The following TSPEAR variants were observed in gnomAD, a reference collection of about 807,000 sequenced individuals.
TSPEAR encodes thrombospondin-type laminin G domain and EAR repeat-containing protein.
TSPEAR carries 69 observed loss-of-function variants against 71.6 expected under a neutral mutation model. The ratio of observed to expected loss-of-function variants is 0.96; its 90% CI spans 0.79 to 1.18. TSPEAR has a LOEUF of 1.18. TSPEAR is among the 50% of genes most tolerant of loss of function. TSPEAR has a pLI of 0.00. For missense variants in TSPEAR, 971 were observed against 894.9 expected (o/e 1.09, Z -1.09); for synonymous variants, 402 against 387.2 (o/e 1.04, Z -0.45).
chr21:44,568,113 A>T (rs2053727320), intron 1 of TSPEAR, 108 bp from the exon 2 acceptor site: 1 of 718,456 alleles, frequency 1.4e-6, no homozygotes, highest in Non-Finnish European at 2.1e-6. Flanking sequence ...TTTACATAGC[A>T]CTATAGCCCC....
At chr21:44,709,546 G>T (rs868930520) in intron 1 of TSPEAR, among the ~76,000 whole-genome samples, 2 of 152,236 alleles carry the variant, frequency 1.3e-5, no homozygotes, top group Admixed American at 6.5e-5. Flanking sequence ...CAGAGAAGGC[G>T]CATGGGCCCC....
In TSPEAR at chr21:44,653,957, GAA is replaced by G. The variant is rs1272787969; in HGVS notation, c.82+57474_82+57475del. On this transcript the variant is annotated intron_variant, in intron 1 of 11. Coordinates refer to ENST00000323084, the MANE Select transcript of TSPEAR (RefSeq NM_144991.3). ...GGTACCTCCTGAGGAAGGAGTGTGG[GAA>G]AGACACTGAGGAGAAGGCATCACAC... Among the ~76,000 whole-genome samples the G allele has an allele frequency of 2.6e-5, 4 of 152,320 alleles. No homozygotes were observed. The East Asian group carries it at 7.7e-4, about 29-fold the overall frequency.
intron 1 of TSPEAR, chr21:44,579,738 T>C (rs1251053461): frequency 5.6e-6 from 9 of 1,597,446 alleles, no homozygotes; most frequent in Non-Finnish European, 7.7e-6. Context: ...CATCAGCAAC[T>C]GGACTCCTGG....
chr21:44,677,282 C>A, intron 1 of TSPEAR: 1 of 775,488 alleles, frequency 1.3e-6, no homozygotes. Context: ...TGTGTTCCTT[C>A]AACGCACCTT....
chr21:44,531,188 A>C, intron 3 of TSPEAR, 55 bp from the exon 4 acceptor site: 2 of 1,436,074 alleles, frequency 1.4e-6, no homozygotes, highest in Admixed American at 1.8e-5. Flanking sequence ...ACCCCAGTTT[A>C]CTCACAGAAG....
rs1022433385 is a variant in TSPEAR, at chr21:44,711,262, G to A, written c.82+171C>T. ...CCCTGCGCTTTCATCTTCCCCACCT[G>A]TGCTCCTCCCGCCTCTGCCCATCTC... On this transcript the variant is annotated intron_variant, in intron 1 of 11. Coordinates refer to ENST00000323084, the MANE Select transcript of TSPEAR (RefSeq NM_144991.3). This position sits in a 1 kb window ranked among gnomAD's most constrained non-coding sequence, Gnocchi z 4.5. Among the ~76,000 whole-genome samples, 1 of 152,024 alleles carries A rather than the reference G, an allele frequency of 6.6e-6. No homozygotes were observed. The highest frequency in any genetic ancestry group is 2.4e-5 in the African/African-American group (1 of 41,388).
intron 1 of TSPEAR, among the ~76,000 whole-genome samples, chr21:44,622,410 C>T (rs1982501073): frequency 6.6e-6 from 1 of 152,162 alleles, no homozygotes; most frequent in Non-Finnish European, 1.5e-5. Flanking sequence ...GCTGCCACAT[C>T]AAATGTCACC....
At position 44,527,407 on chromosome 21, in the gene TSPEAR, G is replaced by T; in HGVS notation, c.1034C>A (p.Ala345Asp). 1 of 1,614,204 alleles carries T rather than the reference G, an allele frequency of 6.2e-7. No individual in the cohort carries two copies. The part of the protein sequence containing the change: ...IPQVGLFVAT[A>D]NRKATSAVYK... ...GACGGCGGATGTGGCTTTGCGATTG[G>T]CTGTGGCCACAAAGAGCCCCACCTG... Residue 345 changes from alanine to aspartate, a missense_variant, in exon 7 of 12, where the codon GCC (alanine) becomes GAC (aspartate). By Grantham distance (126) the Ala-to-Asp change is moderately radical (BLOSUM62 -2). Coordinates refer to ENST00000323084, the MANE Select transcript of TSPEAR (RefSeq NM_144991.3).
intron 1 of TSPEAR, among the ~76,000 whole-genome samples, chr21:44,584,548 A>G (rs759274378): frequency 6.6e-6 from 1 of 152,216 alleles, no homozygotes; most frequent in Non-Finnish European, 1.5e-5. Flanking sequence ...TTTCTTTAAC[A>G]TAGGCACATA....
rs587682130 is a variant in TSPEAR at position 44,514,418 on chromosome 21, G to A, written c.1567-5032C>T. Among the ~76,000 whole-genome samples, 785 of 152,278 alleles carry A rather than the reference G, an allele frequency of 5.2e-3. 9 individuals carry two copies. The highest frequency in any genetic ancestry group is 0.018 in the African/African-American group (751 of 41,562). The stretch of plus-strand genomic sequence containing the variant: ...TACATGTGTGTTGAGCCATGGGCGG[G>A]ACCCTTGGGAAGTGTGTGGCACCAA... On this transcript the variant is annotated intron_variant, in intron 9 of 11. Coordinates refer to ENST00000323084, the MANE Select transcript of TSPEAR (RefSeq NM_144991.3).
At chr21:44,708,675 C>T (rs1988062631) in intron 1 of TSPEAR, among the ~76,000 whole-genome samples, 2 of 152,234 alleles carry the variant, frequency 1.3e-5, no homozygotes, top group Admixed American at 6.5e-5. Flanking sequence ...CTCCCTCAGC[C>T]CACCCTGGGG....
rs11910525 is a variant in TSPEAR at position 44,540,129 on chromosome 21, C to T, written c.304-6206G>A. The T allele has an allele frequency of 2.5e-3, 3,977 of 1,613,608 alleles. 37 individuals carry two copies. The highest frequency in any genetic ancestry group is 0.02 in the African/African-American group (1,503 of 74,972). The stretch of plus-strand genomic sequence containing the variant: ...GAGTCGGAGCAAGCGCTGGAGCAGA[C>T]GGACATGGTGGACGCGGCCATGCTG... On this transcript the variant is annotated intron_variant, in intron 2 of 11. Transcript: ENST00000323084.
chr21:44,504,071 G>A (rs587762756), intron 11 of TSPEAR, among the ~76,000 whole-genome samples: 3 of 150,544 alleles, frequency 2.0e-5, no homozygotes, highest in East Asian at 2.0e-4. Context: ...TGAGCCCTTG[G>A]GGGGAAGCTG....
intron 1 of TSPEAR, among the ~76,000 whole-genome samples, chr21:44,661,397 A>G (rs587696320): frequency 6.6e-6 from 1 of 152,314 alleles, no homozygotes; most frequent in Non-Finnish European, 1.5e-5. Context: ...CAACAATAAC[A>G]CGAGGAATAT....
intron 2 of TSPEAR, chr21:44,558,147 C>A: frequency 2.5e-6 from 4 of 1,612,918 alleles, no homozygotes; most frequent in Non-Finnish European, 3.4e-6. Flanking sequence ...GGAGGCCGGG[C>A]GGCAGCAGCT....
intron 1 of TSPEAR, among the ~76,000 whole-genome samples, chr21:44,590,412 G>C (rs1320275545): frequency 6.6e-6 from 1 of 152,082 alleles, no homozygotes; most frequent in Non-Finnish European, 1.5e-5. Context: ...GGACCAGGAG[G>C]GAGCCAGGAC....
chr21:44,585,879 G>A (rs1979304136), intron 1 of TSPEAR, among the ~76,000 whole-genome samples: 1 of 152,214 alleles, frequency 6.6e-6, no homozygotes, highest in Non-Finnish European at 1.5e-5. Flanking sequence ...ACGTTTTTAA[G>A]TGAGGGTCTA....
chr21:44,592,466 A>T, intron 1 of TSPEAR: 2 of 1,611,230 alleles, frequency 1.2e-6, no homozygotes, highest in Non-Finnish European at 1.7e-6. Flanking sequence ...GAGCAGACGG[A>T]CATGGTGGAC....
chr21:44,540,969 CTTAAAT>C (rs2053211128), intron 2 of TSPEAR, among the ~76,000 whole-genome samples: 1 of 151,876 alleles, frequency 6.6e-6, no homozygotes, highest in Admixed American at 6.6e-5. Context: ...TATCAATATT[CTTAAAT>C]TTATTTTTTT....
Sources: allele counts gnomAD v4.1 joint callset (sites outside exome capture counted in the v4.1 genomes callset), GRCh38; gene constraint gnomAD v4.1.1; non-coding constraint Gnocchi (gnomAD v3.1); transcripts MANE v1.5; gene names NCBI Gene and HGNC (gene_info 2026-07-23, HGNC 2026-07-21).